PLEKHG1: variants seen among roughly 807,000 people sequenced by gnomAD.
PLEKHG1 encodes pleckstrin homology domain-containing family G member 1.
A neutral mutation model predicts 100.8 loss-of-function variants in PLEKHG1; 44 were observed. The observed-to-expected ratio is 0.44, with a 90% CI of 0.34 to 0.56. The LOEUF is 0.56. Ranked by LOEUF, PLEKHG1 falls within the 20% of genes least tolerant of loss-of-function variation. PLEKHG1 has a pLI of 0.01. For missense variants in PLEKHG1, 1,545 were observed against 1,720.9 expected, an observed-to-expected ratio of 0.90 and a Z score of 1.81; for synonymous variants, 640 against 662.5, an observed-to-expected ratio of 0.97 and a Z score of 0.52.
chr6:150,738,164 T>C (rs552207164), intron 2 of PLEKHG1, among the ~76,000 whole-genome samples: 2 of 152,206 alleles, frequency 1.3e-5, no homozygotes, highest in East Asian at 1.9e-4. Context: ...AAGAAGCTCG[T>C]CTAATTGAAG....
At chr6:150,672,935 A>G (rs992620454) in intron 3 of PLEKHG1, among the ~76,000 whole-genome samples, 7 of 152,184 alleles carry the variant, frequency 4.6e-5, no homozygotes, top group Admixed American at 2.6e-4. Flanking sequence ...CCCCCTTCAA[A>G]TTGCATATTC....
rs1158670858 is a variant in PLEKHG1 at position 150,750,780 on chromosome 6, C to CAAAAAA, written c.411+16706_411+16711dup. Among the ~76,000 whole-genome samples the CAAAAAA allele has an allele frequency of 1.7e-3, 65 of 37,370 alleles. 3 individuals are homozygous for CAAAAAA. The highest frequency in any genetic ancestry group is 0.013 in the Middle Eastern group (1 of 76). The allele number at this position is 37,370 out of a possible 152,430, so 24.5% of individuals were successfully genotyped here. A position where few individuals can be genotyped will look rare whatever the true frequency, so the allele number is the denominator to read the frequency against. ...TGGGCGACAGAGCGAGACTCCATCTCAAAAAAAAAAAAAAAAAAAAAAAGG... is the reference window on the plus strand; with the variant it reads ...TGGGCGACAGAGCGAGACTCCATCTCAAAAAAAAAAAAAAAAAAAAAAAAAAAAAGG... On this transcript the variant is annotated intron_variant, in intron 2 of 15. Transcript: ENST00000358517.
In PLEKHG1 at chr6:150,681,472, A is replaced by G. The variant is rs913876087; in HGVS notation, c.-99+30686A>G. On this transcript the variant is annotated intron_variant, in intron 3 of 3. Transcript: ENST00000367326. ...GGTGGCAGTGTGCCAAGATTGTGCC[A>G]CTGCCTGGCGACAGAGCGTGACTCT... Among the ~76,000 whole-genome samples the G allele has an allele frequency of 2.0e-5, 3 of 150,968 alleles. No individual in the cohort carries two copies. The East Asian group carries it at 5.8e-4, about 29-fold the overall frequency.
intron 1 of PLEKHG1, among the ~76,000 whole-genome samples, chr6:150,628,105 A>T (rs1024076526): frequency 2.6e-5 from 4 of 152,200 alleles, no homozygotes; most frequent in African/African-American, 7.2e-5. Context: ...TATATCTGGC[A>T]TATGGGCAAC....
At chr6:150,681,344 T>G (rs1779925569) in intron 3 of PLEKHG1, among the ~76,000 whole-genome samples, 1 of 151,910 alleles carries the variant, frequency 6.6e-6, no homozygotes, top group Admixed American at 6.6e-5. Flanking sequence ...AAAACCCCTC[T>G]CTACCGAAAA....
chr6:150,746,744 A>G (rs1010191592), intron 2 of PLEKHG1, among the ~76,000 whole-genome samples: 1 of 152,276 alleles, frequency 6.6e-6, no homozygotes, highest in East Asian at 1.9e-4. Flanking sequence ...GACTTAACAT[A>G]TCAGTGAGTT....
chr6:150,830,661 C>G (rs1035813412), exon 15 of PLEKHG1: 6 of 1,613,978 alleles, frequency 3.7e-6, no homozygotes, highest in Admixed American at 1.7e-5. Flanking sequence ...CCTAGCAGTT[C>G]TACCATGATC....
intron 3 of PLEKHG1, among the ~76,000 whole-genome samples, chr6:150,715,193 A>T (rs558788239): frequency 3.9e-5 from 6 of 152,262 alleles, no homozygotes; most frequent in South Asian, 4.1e-4. Context: ...AATTTTTTTT[A>T]AAAAAAGAAG....
chr6:150,756,762 T>G (rs998226981), intron 2 of PLEKHG1, among the ~76,000 whole-genome samples: 1 of 152,114 alleles, frequency 6.6e-6, no homozygotes, highest in African/African-American at 2.4e-5. Context: ...TTCAAGTCAT[T>G]TAGCACAAAT....
intron 4 of PLEKHG1, 127 bp from the exon 6 acceptor site, chr6:150,795,729 A>G (rs951750110): frequency 6.3e-5 from 25 of 397,520 alleles, no homozygotes; most frequent in Non-Finnish European, 9.9e-5. Flanking sequence ...CCTAAAAAAA[A>G]AAACAAAAAA....
chr6:150,679,740 A>T (rs1342857247), intron 3 of PLEKHG1, among the ~76,000 whole-genome samples: 1 of 152,230 alleles, frequency 6.6e-6, no homozygotes, highest in Non-Finnish European at 1.5e-5. Context: ...CTGCCACCCC[A>T]TCAGTATATT....
chr6:150,630,775 T>G (rs553387953), intron 1 of PLEKHG1, among the ~76,000 whole-genome samples: 1 of 151,232 alleles, frequency 6.6e-6, no homozygotes, highest in Admixed American at 6.6e-5. Context: ...GGTATCAGAG[T>G]GAGATAGAGA....
chr6:150,650,088 A>C (rs1159357660), intron 2 of PLEKHG1, among the ~76,000 whole-genome samples: 2 of 151,488 alleles, frequency 1.3e-5, no homozygotes, highest in African/African-American at 2.4e-5. Context: ...GAAAAAAAAA[A>C]CCAAAACAGT....
intron 3 of PLEKHG1, among the ~76,000 whole-genome samples, chr6:150,780,763 G>A (rs1017289043): frequency 3.9e-5 from 6 of 152,032 alleles, no homozygotes; most frequent in Non-Finnish European, 7.4e-5. Context: ...TGTTAACGTC[G>A]TTCTTGAATG....
intron 1 of PLEKHG1, among the ~76,000 whole-genome samples, chr6:150,628,527 A>AACACACACAC (rs565121317): frequency 0.085 from 8,032 of 94,608 alleles, 420 homozygotes; most frequent in Admixed American, 0.092. Flanking sequence ...TAGATAGGAA[A>AACACACACAC]ACACACACAC....
intron 7 of PLEKHG1, among the ~76,000 whole-genome samples, chr6:150,807,752 C>T (rs185487879): frequency 6.5e-4 from 99 of 152,154 alleles, no homozygotes; most frequent in African/African-American, 3.1e-4. Context: ...GTGGATCACC[C>T]GAGATTGGGA....
intron 15 of PLEKHG1, among the ~76,000 whole-genome samples, 161 bp downstream of exon 16, chr6:150,832,366 A>G (rs759767539): frequency 5.3e-5 from 8 of 152,226 alleles, no homozygotes; most frequent in Non-Finnish European, 7.3e-5. Context: ...CCTTTCTCAC[A>G]TCGCCTCCTG....
chr6:150,816,185 A>C (rs369307575), intron 10 of PLEKHG1, among the ~76,000 whole-genome samples: 1 of 152,056 alleles, frequency 6.6e-6, no homozygotes, highest in South Asian at 2.1e-4. Context: ...TATTTTGGTC[A>C]CTGTCACTGC....
chr6:150,624,335 C>G (rs138172681), intron 1 of PLEKHG1, among the ~76,000 whole-genome samples: 53 of 152,280 alleles, frequency 3.5e-4, no homozygotes, highest in African/African-American at 1.3e-3. Flanking sequence ...CCCTCCCCAA[C>G]AAGGGACTCC....
Sources: gnomAD v4.1 joint callset for allele counts (sites outside exome capture counted in the v4.1 genomes callset) on GRCh38, gnomAD v4.1.1 for gene constraint, MANE v1.5 for transcripts, NCBI Gene and HGNC (gene_info 2026-07-23, HGNC 2026-07-21) for gene names.